The following EPM2A variants were observed in gnomAD, a reference collection of about 807,000 sequenced individuals.
EPM2A encodes the protein EPM2A glucan phosphatase, laforin.
A neutral mutation model predicts 26.5 loss-of-function variants in EPM2A; 21 were observed. The ratio of observed to expected loss-of-function variants is 0.79; its 90% CI spans 0.56 to 1.14. The LOEUF (loss-of-function observed/expected upper bound fraction) is 1.14. Ranked by LOEUF, EPM2A falls within the 50% of genes most tolerant of loss-of-function variation. The pLI is 0.00. For synonymous variants in EPM2A, 217 were observed against 177.6 expected (o/e 1.22, Z -1.76); for missense variants, 458 against 440.8 (o/e 1.04, Z -0.35).
At chr6:145,517,672 C>T (rs1171044951) in intron 2 of EPM2A, among the ~76,000 whole-genome samples, 1 of 152,160 alleles carries the variant, frequency 6.6e-6, no homozygotes, top group Non-Finnish European at 1.5e-5. Context: ...CTTTAATATG[C>T]TCAGTTCAGC....
intron 2 of EPM2A, among the ~76,000 whole-genome samples, chr6:145,567,645 A>G (rs2114821338): frequency 6.6e-6 from 1 of 152,340 alleles, no homozygotes; most frequent in South Asian, 2.1e-4. Context: ...CATGGAATTT[A>G]GTGGATGCTA....
intron 4 of EPM2A, among the ~76,000 whole-genome samples, chr6:145,404,913 G>A (rs1207165182): frequency 1.3e-5 from 2 of 152,052 alleles, no homozygotes; most frequent in African/African-American, 4.8e-5. Flanking sequence ...TGAAATATAA[G>A]CAAATTGATC....
intron 4 of EPM2A, among the ~76,000 whole-genome samples, chr6:145,474,693 T>C (rs773051394): frequency 3.3e-5 from 5 of 152,074 alleles, no homozygotes; most frequent in Admixed American, 2.6e-4. Context: ...ACCTACAGAA[T>C]GGGAGAAAAA....
chr6:145,622,810 G>A (rs889456213), downstream of EPM2A, among the ~76,000 whole-genome samples: 1 of 152,166 alleles, frequency 6.6e-6, no homozygotes, highest in African/African-American at 2.4e-5. Flanking sequence ...AATTTCTGTT[G>A]CTTAAGCCTC....
chr6:145,617,271 G>A (rs1019382707), intron 2 of EPM2A, among the ~76,000 whole-genome samples: 1 of 152,152 alleles, frequency 6.6e-6, no homozygotes. Context: ...GCTACCATAT[G>A]AGATGTGCCG....
At chr6:145,455,937 T>A (rs368912705) in intron 4 of EPM2A, among the ~76,000 whole-genome samples, 33 of 152,362 alleles carry the variant, frequency 2.2e-4, no homozygotes, top group African/African-American at 7.5e-4. Flanking sequence ...AAAATTCATG[T>A]CTCTACTAAT....
chr6:145,385,169 C>T (rs979118273), intron 4 of EPM2A, among the ~76,000 whole-genome samples: 3 of 147,488 alleles, frequency 2.0e-5, no homozygotes, highest in Non-Finnish European at 3.0e-5. Flanking sequence ...TAAAAAATAA[C>T]GTGGAGACCT....
At chr6:145,498,020 G>T (rs1779842962), downstream of EPM2A, among the ~76,000 whole-genome samples, 4 of 152,194 alleles carry the variant, frequency 2.6e-5, no homozygotes, top group Admixed American at 2.6e-4. Context: ...TGGAGGTCCT[G>T]CCCAGAGATG....
intron 4 of EPM2A, among the ~76,000 whole-genome samples, chr6:145,404,852 G>C (rs1778545137): frequency 1.3e-5 from 2 of 152,078 alleles, no homozygotes; most frequent in African/African-American, 4.8e-5. Flanking sequence ...AAATATAGTG[G>C]CTTGAATATT....
chr6:145,439,223 T>G (rs1779030195), intron 4 of EPM2A, among the ~76,000 whole-genome samples: 1 of 152,218 alleles, frequency 6.6e-6, no homozygotes, highest in Admixed American at 6.5e-5. Flanking sequence ...TGATGGGCTT[T>G]TAGGTTTATT....
At chr6:145,600,435 G>A (rs945745212) in intron 2 of EPM2A, among the ~76,000 whole-genome samples, 12 of 152,008 alleles carry the variant, frequency 7.9e-5, no homozygotes, top group South Asian at 4.2e-4. Flanking sequence ...CTGTTAATCC[G>A]CCTAAAGTGC....
chr6:145,426,063 A>G (rs1035560389), intron 4 of EPM2A, among the ~76,000 whole-genome samples: 1 of 152,190 alleles, frequency 6.6e-6, no homozygotes, highest in Non-Finnish European at 1.5e-5. Flanking sequence ...AAATATAGCA[A>G]TATTTAAGTG....
chr6:145,393,829 C>CTT (rs1282770683), intron 4 of EPM2A, among the ~76,000 whole-genome samples: 4 of 45,458 alleles, frequency 8.8e-5, no homozygotes, highest in African/African-American at 1.3e-4. Flanking sequence ...ATTTTTTTTT[C>CTT]TTTTTTTTTT....
At chr6:145,661,069 C>G (rs965535940) in intron 2 of EPM2A, among the ~76,000 whole-genome samples, 2 of 151,856 alleles carry the variant, frequency 1.3e-5, no homozygotes, top group Non-Finnish European at 2.9e-5. Flanking sequence ...AACAGAGGCC[C>G]TGAAAAACAA....
intron 4 of EPM2A, among the ~76,000 whole-genome samples, chr6:145,405,938 T>C (rs1188739784): frequency 6.6e-6 from 1 of 151,344 alleles, no homozygotes; most frequent in African/African-American, 2.4e-5. Flanking sequence ...CATTAATTGC[T>C]TATGAAAATC....
chr6:145,692,902 T>C (rs1037198815), intron 1 of EPM2A, among the ~76,000 whole-genome samples: 1 of 152,132 alleles, frequency 6.6e-6, no homozygotes, highest in South Asian at 2.1e-4. Context: ...ATTCGAGCTC[T>C]TTTTTGATTC....
intron 4 of EPM2A, among the ~76,000 whole-genome samples, chr6:145,394,760 C>G (rs1165216825): frequency 6.6e-6 from 1 of 152,056 alleles, no homozygotes; most frequent in Non-Finnish European, 1.5e-5. Context: ...TTTTCAGCAC[C>G]CTGTCAATCC....
At chr6:145,497,004 G>A (rs114811675), downstream of EPM2A, among the ~76,000 whole-genome samples, 2,229 of 152,222 alleles carry the variant, frequency 0.015, 46 homozygotes, top group African/African-American at 0.05. Context: ...GTTAGAATGT[G>A]CTCCTTTAGC....
At chr6:145,606,294 C>G (rs1057032878) in intron 2 of EPM2A, among the ~76,000 whole-genome samples, 2 of 151,954 alleles carry the variant, frequency 1.3e-5, no homozygotes, top group Non-Finnish European at 2.9e-5. Flanking sequence ...TTCTAGACAT[C>G]TTCATTCTTT....
Sources: gnomAD v4.1 joint callset for allele counts (sites outside exome capture counted in the v4.1 genomes callset) on GRCh38, gnomAD v4.1.1 for gene constraint, MANE v1.5 for transcripts, NCBI Gene and HGNC (gene_info 2026-07-23, HGNC 2026-07-21) for gene names.